FAM222B: variants seen among roughly 807,000 people sequenced by gnomAD.
FAM222B encodes family with sequence similarity 222 member B.
FAM222B carries 12 observed loss-of-function variants against 38.0 expected under a neutral mutation model. The ratio of observed to expected loss-of-function variants is 0.32; its 90% confidence interval spans 0.20 to 0.51. The LOEUF is 0.51. Ranked by LOEUF, FAM222B falls within the 20% of genes least tolerant of loss-of-function variation. FAM222B has a pLI of 0.97. For missense variants in FAM222B, 716 were observed against 754.2 expected, an observed-to-expected ratio of 0.95 and a Z score of 0.59; for synonymous variants, 329 against 317.2, an observed-to-expected ratio of 1.04 and a Z score of -0.40.
rs369280626 is a variant in FAM222B at position 28,818,254 on chromosome 17, C to T, written c.-41+24428G>A. Among the ~76,000 whole-genome samples, 28 of 152,036 alleles carry T rather than the reference C, an allele frequency of 1.8e-4. 1 individual carries two copies. In the South Asian group the frequency reaches 5.6e-3, roughly 30 times the overall value. On this transcript the variant is annotated intron_variant, in intron 1 of 2. Transcript: ENST00000581407. ...TTTAAAAAAATAAAAATAGGCCAGG[C>T]GCGGTGGCTCACGCCTGTAATCCCA... is the stretch of plus-strand genomic sequence containing the variant.
intron 1 of FAM222B, among the ~76,000 whole-genome samples, chr17:28,783,159 C>CTCATT (rs2036237337): frequency 6.7e-6 from 1 of 148,282 alleles, no homozygotes; most frequent in Non-Finnish European, 1.5e-5. Context: ...AAAAAACAAA[C>CTCATT]TCATTCCTAG....
chr17:28,791,707 G>A (rs2036696062), intron 1 of FAM222B, among the ~76,000 whole-genome samples: 1 of 133,430 alleles, frequency 7.5e-6, no homozygotes, highest in Non-Finnish European at 1.6e-5. Context: ...TTGAGACAGA[G>A]TCTAGGCTGG....
intron 1 of FAM222B, among the ~76,000 whole-genome samples, chr17:28,775,045 G>A (rs1426593163): frequency 3.2e-5 from 4 of 125,544 alleles, no homozygotes; most frequent in South Asian, 2.6e-4. Context: ...CTGTTGCCCC[G>A]GCTGGAGTGC....
At chr17:28,818,722 T>TG (rs1386238596) in intron 1 of FAM222B, among the ~76,000 whole-genome samples, 1 of 152,158 alleles carries the variant, frequency 6.6e-6, no homozygotes, top group East Asian at 1.9e-4. Flanking sequence ...TTAGGATGTT[T>TG]GGGTTGTATG....
Position 28,758,565 on chromosome 17 carries a change from C to T in FAM222B, c.1394G>A (p.Ser465Asn). Reference protein sequence around the residue: ...NNILPTPNSDSSGSQDLAMPF... With the variant: ...NNILPTPNSDNSGSQDLAMPF... ...CATGGCAAGGTCCTGAGACCCCGAG[C>T]TGTCGCTATTGGGAGTGGGCAGAAT... The change falls in exon 3 of 3, where the codon AGC becomes AAC. Residue 465 changes from serine (S) to asparagine (N), a missense_variant. By Grantham distance (46) the Ser-to-Asn change is conservative. Transcript: ENST00000581407. 6.2e-7 allele frequency: 1 copy of T among 1,610,174 alleles called. No individual in the cohort carries two copies. The highest frequency in any genetic ancestry group is 1.1e-5 in the South Asian group (1 of 91,084).
intron 1 of FAM222B, among the ~76,000 whole-genome samples, chr17:28,827,430 C>G (rs544465060): frequency 6.6e-6 from 1 of 151,816 alleles, no homozygotes; most frequent in Non-Finnish European, 1.5e-5. Flanking sequence ...GATGAGGAAA[C>G]AGAATAGCAA....
At chr17:28,842,393 G>T (rs1271480018) in intron 1 of FAM222B, among the ~76,000 whole-genome samples, 1 of 152,038 alleles carries the variant, frequency 6.6e-6, no homozygotes, top group African/African-American at 2.4e-5. Context: ...ATCATTCTCT[G>T]AAAGAAGCGG....
At chr17:28,849,602 A>T (rs1160349903) in intron 1 of FAM222B, 1 of 152,174 alleles carries the variant, frequency 6.6e-6, no homozygotes. Context: ...ACCAACCCAC[A>T]CAAGCGCCCA....
At position 28,757,313 on chromosome 17, in the gene FAM222B, C is replaced by T. The variant is rs999692073; in HGVS notation, c.*957G>A. 3 of 152,410 alleles carry T rather than the reference C, an allele frequency of 2.0e-5. No homozygotes were observed. Among genetic ancestry groups the T allele is most frequent in the East Asian group, 1.9e-4 (1 of 5,194 alleles). 9.4% of individuals were successfully genotyped at this position (152,410 alleles called of 1,614,324 possible). ...AACCCACACTACATTCATACAGAAA[C>T]GTAACGTTTAAAACTTACAGTGTAG... On this transcript the variant is annotated 3_prime_UTR_variant, in exon 3 of 3. Coordinates refer to ENST00000581407, the MANE Select transcript of FAM222B (RefSeq NM_001077498.3).
At chr17:28,797,301 T>C (rs1377598346) in intron 1 of FAM222B, among the ~76,000 whole-genome samples, 1 of 152,066 alleles carries the variant, frequency 6.6e-6, no homozygotes, top group Non-Finnish European at 1.5e-5. Flanking sequence ...TGGCTGGCTA[T>C]TGCGATTTTG....
intron 1 of FAM222B, among the ~76,000 whole-genome samples, chr17:28,826,710 T>C (rs977277563): frequency 1.3e-5 from 2 of 151,684 alleles, no homozygotes; most frequent in African/African-American, 4.8e-5. Flanking sequence ...AAAATCTGTT[T>C]GTTGTCTGTT....
At chr17:28,820,171 A>G (rs2038161249) in intron 1 of FAM222B, among the ~76,000 whole-genome samples, 1 of 152,222 alleles carries the variant, frequency 6.6e-6, no homozygotes, top group African/African-American at 2.4e-5. Flanking sequence ...TCAGCAGACT[A>G]TCCCATAACC....
chr17:28,790,011 T>C (rs185713982), intron 1 of FAM222B, among the ~76,000 whole-genome samples: 9 of 152,326 alleles, frequency 5.9e-5, no homozygotes, highest in African/African-American at 2.2e-4. Flanking sequence ...GGGGAGTATT[T>C]ATCTGTCAAC....
intron 1 of FAM222B, among the ~76,000 whole-genome samples, chr17:28,826,977 C>G (rs1248208454): frequency 6.6e-6 from 1 of 151,900 alleles, no homozygotes; most frequent in Admixed American, 6.6e-5. Flanking sequence ...CTTGTCTTTG[C>G]CAAAAAAATT....
chr17:28,769,172 T>C (rs1380125798), intron 1 of FAM222B, among the ~76,000 whole-genome samples: 3 of 125,136 alleles, frequency 2.4e-5, no homozygotes, highest in Admixed American at 9.2e-5. Flanking sequence ...GCAATGTTAG[T>C]TCTTTTTTTT....
intron 1 of FAM222B, among the ~76,000 whole-genome samples, chr17:28,827,006 G>C (rs1340299647): frequency 3.3e-5 from 5 of 151,906 alleles, no homozygotes; most frequent in Non-Finnish European, 7.4e-5. Flanking sequence ...CATTAGCCAG[G>C]CACAGTGGCT....
intron 1 of FAM222B, among the ~76,000 whole-genome samples, chr17:28,769,903 C>G (rs752583860): frequency 2.6e-5 from 4 of 152,194 alleles, no homozygotes; most frequent in Non-Finnish European, 5.9e-5. Context: ...TTCTAGCTCC[C>G]TCACTTCATT....
chr17:28,771,110 T>G (rs926225122), intron 1 of FAM222B, among the ~76,000 whole-genome samples: 4 of 151,644 alleles, frequency 2.6e-5, no homozygotes, highest in Non-Finnish European at 4.4e-5. Context: ...ATGAAAAGAC[T>G]GCTAAATCCA....
At position 28,780,269 on chromosome 17, in the gene FAM222B, C is replaced by G. The variant is rs1414187905; in HGVS notation, c.-40-13562G>C. 4.6e-5 allele frequency among the ~76,000 whole-genome samples: 7 copies of G among 151,970 alleles called. No individual in the cohort carries two copies. The East Asian group carries it at 5.8e-4, about 13-fold the overall frequency. On this transcript the variant is annotated intron_variant, in intron 1 of 2. Transcript: ENST00000581407. ...TCAACATAGTACTGTAAGTCCCAGACAGAGCAATTAGGCAAGAAAAATAAA... is the reference window on the plus strand; with the variant it reads ...TCAACATAGTACTGTAAGTCCCAGAGAGAGCAATTAGGCAAGAAAAATAAA...
Sources: allele counts gnomAD v4.1 joint callset (sites outside exome capture counted in the v4.1 genomes callset), GRCh38; gene constraint gnomAD v4.1.1; transcripts MANE v1.5; gene names NCBI Gene and HGNC (gene_info 2026-07-23, HGNC 2026-07-21).